Variants in PRKG1 observed in about 807,000 individuals in gnomAD.
The protein encoded by PRKG1 is cGMP-dependent protein kinase 1.
Under a neutral mutation model 88.1 loss-of-function variants are expected in PRKG1, and 35 were observed. That is an observed-to-expected ratio of 0.40 (90% CI 0.30 to 0.53). The LOEUF is 0.53. Ranked by LOEUF, PRKG1 falls within the 20% of genes least tolerant of loss-of-function variation. The pLI is 0.59. For missense variants in PRKG1, 540 were observed against 839.8 expected, an observed-to-expected ratio of 0.64 and a Z score of 4.41; for synonymous variants, 303 against 292.5, an observed-to-expected ratio of 1.04 and a Z score of -0.37.
At chr10:52,174,875 G>GAT (rs1014386506) in intron 9 of PRKG1, among the ~76,000 whole-genome samples, 1 of 151,598 alleles carries the variant, frequency 6.6e-6, no homozygotes, top group Non-Finnish European at 1.5e-5. Flanking sequence ...ATTTTTAATT[G>GAT]ATATATATAA....
At chr10:51,792,836 A>G (rs1452798627) in intron 3 of PRKG1, among the ~76,000 whole-genome samples, 2 of 152,110 alleles carry the variant, frequency 1.3e-5, no homozygotes, top group African/African-American at 4.8e-5. Flanking sequence ...TGTGCCTAAA[A>G]ATTAGAGCTT....
At chr10:51,271,956 T>C (rs1230903029) in intron 2 of PRKG1, among the ~76,000 whole-genome samples, 1 of 152,184 alleles carries the variant, frequency 6.6e-6, no homozygotes, top group Non-Finnish European at 1.5e-5. Flanking sequence ...CTGGGTCAAA[T>C]GGTATATCTG....
intron 5 of PRKG1, among the ~76,000 whole-genome samples, chr10:51,944,389 TC>T (rs1253726446): frequency 1.3e-5 from 2 of 152,194 alleles, no homozygotes; most frequent in Non-Finnish European, 1.5e-5. Context: ...ATTTTGTTGA[TC>T]CTTTCAAAAA....
intron 3 of PRKG1, among the ~76,000 whole-genome samples, chr10:51,725,512 A>G (rs1842109357): frequency 1.3e-5 from 2 of 152,142 alleles, no homozygotes; most frequent in African/African-American, 4.8e-5. Context: ...TCCATGCTTA[A>G]TGGATTTCTG....
chr10:51,079,319 C>T (rs1844046970), intron 1 of PRKG1, among the ~76,000 whole-genome samples: 1 of 151,990 alleles, frequency 6.6e-6, no homozygotes, highest in African/African-American at 2.4e-5. Flanking sequence ...AGAGAGTTGG[C>T]AAAATATAAT....
intron 7 of PRKG1, among the ~76,000 whole-genome samples, chr10:52,072,281 C>A (rs1846521823): frequency 1.4e-5 from 2 of 142,658 alleles, no homozygotes; most frequent in South Asian, 4.6e-4. Context: ...AAAAGTAACA[C>A]AATGTCTGGT....
intron 2 of PRKG1, among the ~76,000 whole-genome samples, chr10:51,319,233 C>T (rs189404285): frequency 2.6e-5 from 4 of 152,292 alleles, no homozygotes; most frequent in African/African-American, 7.2e-5. Flanking sequence ...CAAGTCAGTG[C>T]TCTCTTTTCT....
intron 8 of PRKG1, among the ~76,000 whole-genome samples, chr10:52,155,662 A>G (rs902199054): frequency 2.0e-5 from 3 of 151,474 alleles, no homozygotes; most frequent in African/African-American, 7.3e-5. Flanking sequence ...TCAAGATTGT[A>G]AAATTACAAT....
chr10:51,721,132 G>C (rs774357149), intron 3 of PRKG1, among the ~76,000 whole-genome samples: 4 of 138,446 alleles, frequency 2.9e-5, no homozygotes, highest in Non-Finnish European at 6.4e-5. Context: ...ATGATCTCCT[G>C]AGCTAGGGAG....
intron 4 of PRKG1, among the ~76,000 whole-genome samples, chr10:51,882,302 C>G (rs1841458096): frequency 6.6e-6 from 1 of 152,152 alleles, no homozygotes; most frequent in African/African-American, 2.4e-5. Context: ...ACCAGGTACC[C>G]TTGCCAGTTG....
At chr10:51,331,529 T>G (rs555212422) in intron 2 of PRKG1, among the ~76,000 whole-genome samples, 1 of 152,282 alleles carries the variant, frequency 6.6e-6, no homozygotes, top group Non-Finnish European at 1.5e-5. Context: ...TTTCTCCAAG[T>G]AGATGGCATT....
chr10:51,365,909 C>G (rs1293770554), intron 2 of PRKG1, among the ~76,000 whole-genome samples: 1 of 148,858 alleles, frequency 6.7e-6, no homozygotes, highest in Non-Finnish European at 1.5e-5. Flanking sequence ...CTCTCCATCA[C>G]TATACGAAAA....
intron 9 of PRKG1, among the ~76,000 whole-genome samples, chr10:52,193,687 C>CA (rs1839433135): frequency 2.7e-5 from 4 of 150,770 alleles, no homozygotes; most frequent in Non-Finnish European, 5.9e-5. Flanking sequence ...CCTTGTTTAA[C>CA]AAACAACATC....
chr10:51,074,285 A>T, upstream of PRKG1: 1 of 314,284 alleles, frequency 3.2e-6, no homozygotes, highest in Non-Finnish European at 5.6e-6. Flanking sequence ...CGCGCCTCCG[A>T]CTCTTCTCCC....
intron 2 of PRKG1, among the ~76,000 whole-genome samples, chr10:51,338,380 G>A (rs1841927554): frequency 6.6e-6 from 1 of 152,008 alleles, no homozygotes; most frequent in Non-Finnish European, 1.5e-5. Context: ...TAACAAACCT[G>A]CACATCCTGC....
chr10:52,007,566 A>G (rs1844770090), intron 5 of PRKG1, among the ~76,000 whole-genome samples: 1 of 122,260 alleles, frequency 8.2e-6, no homozygotes, highest in African/African-American at 3.2e-5. Flanking sequence ...GAATTCAACA[A>G]GAAGACCTAA....
chr10:52,177,852 C>T (rs141640519), intron 9 of PRKG1, among the ~76,000 whole-genome samples: 3 of 151,524 alleles, frequency 2.0e-5, no homozygotes, highest in East Asian at 3.9e-4. Context: ...GTCTCTTTTA[C>T]CATTTCTTAT....
intron 3 of PRKG1, among the ~76,000 whole-genome samples, chr10:51,511,648 A>C (rs1176446671): frequency 6.6e-6 from 1 of 152,218 alleles, no homozygotes; most frequent in Non-Finnish European, 1.5e-5. Flanking sequence ...TATCAGTAAC[A>C]CTACAATGGT....
chr10:50,992,057 C>A (rs894582022), intron 1 of PRKG1, among the ~76,000 whole-genome samples: 1 of 151,720 alleles, frequency 6.6e-6, no homozygotes, highest in Non-Finnish European at 1.5e-5. Flanking sequence ...CCAGCGGCGA[C>A]CCCCCGGACT....
Sources: gnomAD v4.1 joint callset for allele counts (sites outside exome capture counted in the v4.1 genomes callset) on GRCh38, gnomAD v4.1.1 for gene constraint, MANE v1.5 for transcripts, NCBI Gene and HGNC (gene_info 2026-07-23, HGNC 2026-07-21) for gene names.